PATJ: variants seen among roughly 807,000 people sequenced by gnomAD.
PATJ encodes inaD-like protein.
PATJ carries 190 observed loss-of-function variants against 224.9 expected under a neutral mutation model. The observed-to-expected ratio is 0.84, with a 90% CI of 0.75 to 0.95. PATJ has a LOEUF of 0.95. Among genes scored for constraint, PATJ ranks in the 40% least tolerant of loss-of-function variants. The pLI, the probability that PATJ is intolerant of heterozygous loss-of-function variation, is 0.00. For synonymous variants in PATJ, 769 were observed against 820.3 expected (o/e 0.94, Z 1.07); for missense variants, 2,121 against 2,270.3 (o/e 0.93, Z 1.34).
At chr1:61,854,946 T>C (rs940081326) in intron 17 of PATJ, among the ~76,000 whole-genome samples, 1 of 152,214 alleles carries the variant, frequency 6.6e-6, no homozygotes, top group South Asian at 2.1e-4. Flanking sequence ...TATTTAAGTG[T>C]GTATTGGAAT....
At chr1:62,094,012 T>C (rs938838836) in intron 33 of PATJ, among the ~76,000 whole-genome samples, 5 of 152,246 alleles carry the variant, frequency 3.3e-5, no homozygotes, top group African/African-American at 1.2e-4. Flanking sequence ...TGTGATTTTA[T>C]TTCACATATT....
Position 61,783,286 on chromosome 1 carries a change from A to G in PATJ, c.850-4468A>G, listed in dbSNP as rs575237143. 2.5e-3 allele frequency among the ~76,000 whole-genome samples: 382 copies of G among 152,224 alleles called. 4 individuals carry two copies. The highest frequency in any genetic ancestry group is 7.9e-3 in the African/African-American group (329 of 41,556). Reference sequence around the variant, plus strand: ...ACAGTGTATTTTATTTTGTAAAGTTACCCTTTTCTATCAATGGCATGTTGC... The same window carrying G: ...ACAGTGTATTTTATTTTGTAAAGTTGCCCTTTTCTATCAATGGCATGTTGC... On this transcript the variant is annotated intron_variant, in intron 7 of 43. Transcript: ENST00000642238.
At chr1:62,127,417 A>ATTT (rs35360255) in intron 39 of PATJ, among the ~76,000 whole-genome samples, 13 of 146,292 alleles carry the variant, frequency 8.9e-5, no homozygotes, top group Non-Finnish European at 1.6e-4. Context: ...TTGGTAAGGA[A>ATTT]TTTTTTTTTT....
chr1:62,123,102 G>A (rs1341230949), intron 39 of PATJ, 44 bp downstream of exon 39: 28 of 1,364,710 alleles, frequency 2.1e-5, no homozygotes, highest in Non-Finnish European at 2.7e-5. Context: ...GGTTTGTGTT[G>A]GATTTGCACT....
At chr1:62,010,818 G>A (rs34986631) in intron 28 of PATJ, among the ~76,000 whole-genome samples, 24,315 of 152,098 alleles carry the variant, frequency 0.16, 2,185 homozygotes, top group Non-Finnish European at 0.21. Context: ...CACATGAAAG[G>A]CTATTGTTGA....
In PATJ at chr1:62,018,016, T is replaced by C. The variant is rs1646885191; in HGVS notation, c.3959+69T>C. On this transcript the variant is annotated intron_variant, in intron 29 of 43. Coordinates refer to ENST00000642238, the MANE Select transcript of PATJ (RefSeq NM_001350145.3). This position sits in a 1 kb window ranked among gnomAD's most constrained non-coding sequence, Gnocchi z 4.2. ...TGAAGATGTTATTAGTGTAAGACTA[T>C]GTCATCTTTGATTTGTCTAGCGAAA... 5 of 806,592 alleles carry C rather than the reference T, an allele frequency of 6.2e-6. No homozygotes were observed. The highest frequency in any genetic ancestry group is 8.7e-6 in the Non-Finnish European group (4 of 461,646). The allele number at this position is 806,592 out of a possible 1,614,324, so 50.0% of individuals were successfully genotyped here.
chr1:61,790,222 A>AAAG (rs1553161185), intron 8 of PATJ, among the ~76,000 whole-genome samples: 20 of 150,902 alleles, frequency 1.3e-4, no homozygotes, highest in African/African-American at 4.6e-4. Context: ...AAAAAAAAAA[A>AAAG]AAGAAGAAGA....
At position 61,863,388 on chromosome 1, in the gene PATJ, A is replaced by G. The variant is rs371191677; in HGVS notation, c.2440-850A>G. ...ACAATGATGTTTAGCTGCAAGGAGA[A>G]GACAATAGAAAAGAATAGATTTATT... On this transcript the variant is annotated intron_variant, in intron 19 of 43. Transcript: ENST00000642238. Among the ~76,000 whole-genome samples, 5 of 152,156 alleles carry G rather than the reference A, an allele frequency of 3.3e-5. No individual in the cohort carries two copies. In the South Asian group the frequency reaches 1.0e-3, roughly 32 times the overall value.
intron 37 of PATJ, chr1:62,120,850 CATAAA>C: frequency 4.1e-6 from 1 of 244,204 alleles, no homozygotes; most frequent in Non-Finnish European, 7.8e-6. Context: ...ACTATATATA[CATAAA>C]CACTATGTGG....
intron 20 of PATJ, among the ~76,000 whole-genome samples, chr1:61,874,290 C>T (rs1667069675): frequency 6.6e-6 from 1 of 152,054 alleles, no homozygotes; most frequent in South Asian, 2.1e-4. Flanking sequence ...CAACTTCTGC[C>T]TCCCAGATTC....
chr1:62,121,670 G>A (rs1465435260), intron 38 of PATJ, among the ~76,000 whole-genome samples: 1 of 152,104 alleles, frequency 6.6e-6, no homozygotes, highest in Non-Finnish European at 1.5e-5. Context: ...TCAGGAGGCT[G>A]AGGCAGGAGA....
chr1:61,812,433 AGTGT>A (rs71050167), intron 14 of PATJ, among the ~76,000 whole-genome samples: 294 of 85,096 alleles, frequency 3.5e-3, no homozygotes, highest in African/African-American at 7.6e-3. Flanking sequence ...AGAGAGAGAG[AGTGT>A]GTGTGTGTGT....
At chr1:61,879,435 A>C (rs1172417936) in intron 21 of PATJ, among the ~76,000 whole-genome samples, 3 of 152,116 alleles carry the variant, frequency 2.0e-5, no homozygotes, top group Non-Finnish European at 4.4e-5. Flanking sequence ...AATAAGATAA[A>C]ATATTTAAAA....
chr1:61,844,717 A>G (rs1661649898), intron 17 of PATJ, among the ~76,000 whole-genome samples: 1 of 152,052 alleles, frequency 6.6e-6, no homozygotes, highest in Non-Finnish European at 1.5e-5. Flanking sequence ...CCCATGTGTC[A>G]GGGGAGGGAC....
At chr1:62,070,530 A>G (rs910695243) in intron 31 of PATJ, among the ~76,000 whole-genome samples, 9 of 152,262 alleles carry the variant, frequency 5.9e-5, no homozygotes, top group African/African-American at 2.2e-4. Context: ...TATGGGAGAC[A>G]CATACATAAA....
chr1:61,936,821 G>A (rs777426131), intron 27 of PATJ, among the ~76,000 whole-genome samples: 43 of 152,082 alleles, frequency 2.8e-4, no homozygotes, highest in African/African-American at 8.9e-4. Flanking sequence ...ATCTGCCCAC[G>A]TCGGCCTCCT....
intron 14 of PATJ, among the ~76,000 whole-genome samples, chr1:61,818,011 A>G (rs535134863): frequency 6.6e-6 from 1 of 152,266 alleles, no homozygotes; most frequent in Non-Finnish European, 1.5e-5. Context: ...TTTTTGAAGC[A>G]TACCTTTCCA....
rs1648082113 is a variant in PATJ, at chr1:62,026,968, A to G, written c.3959+9021A>G. 1.3e-5 allele frequency among the ~76,000 whole-genome samples: 2 copies of G among 152,182 alleles called. 1 individual carries two copies. The highest frequency in any genetic ancestry group is 4.1e-4 in the South Asian group (2 of 4,824). On this transcript the variant is annotated intron_variant, in intron 29 of 43. Coordinates refer to ENST00000642238, the MANE Select transcript of PATJ (RefSeq NM_001350145.3). ...CAAAAGGTGGGAGCAACCGAGTATAACATATAACACAAAAGGTACCATCTT... is the reference window on the plus strand; with the variant it reads ...CAAAAGGTGGGAGCAACCGAGTATAGCATATAACACAAAAGGTACCATCTT...
intron 26 of PATJ, among the ~76,000 whole-genome samples, chr1:61,925,876 C>CT (rs1440572559): frequency 2.6e-5 from 4 of 152,076 alleles, no homozygotes; most frequent in Admixed American, 6.6e-5. Context: ...AATTTAGATA[C>CT]AAAACTGGTT....
Sources: gnomAD v4.1 joint callset for allele counts (sites outside exome capture counted in the v4.1 genomes callset) on GRCh38, gnomAD v4.1.1 for gene constraint, Gnocchi (gnomAD v3.1) non-coding constraint, MANE v1.5 for transcripts, NCBI Gene and HGNC (gene_info 2026-07-23, HGNC 2026-07-21) for gene names.